Variants in BMS1 observed in about 807,000 individuals in gnomAD.
The protein encoded by BMS1 is BMS1 ribosome biogenesis factor.
In BMS1, 53 loss-of-function variants were observed where a neutral mutation model predicts 138.7. The ratio of observed to expected loss-of-function variants is 0.38; its 90% CI spans 0.31 to 0.48. The LOEUF (loss-of-function observed/expected upper bound fraction) is 0.48, where lower values mean the gene tolerates loss of function less well. Ranked by LOEUF, BMS1 falls within the 20% of genes least tolerant of loss-of-function variation. The pLI is 0.97. For synonymous variants in BMS1, 504 were observed against 539.9 expected, an observed-to-expected ratio of 0.93 and a Z score of 0.92; for missense variants, 1,360 against 1,565.5, an observed-to-expected ratio of 0.87 and a Z score of 2.22.
intron 22 of BMS1, 100 bp downstream of exon 22, chr10:42,830,522 G>A (rs1842772759): frequency 1.4e-6 from 2 of 1,444,202 alleles, no homozygotes; most frequent in Non-Finnish European, 1.9e-6. Flanking sequence ...GTTATTCAGG[G>A]CACTGGAACT....
At chr10:42,804,867 G>A (rs1293697861) in intron 13 of BMS1, among the ~76,000 whole-genome samples, 3 of 151,890 alleles carry the variant, frequency 2.0e-5, no homozygotes, top group Non-Finnish European at 2.9e-5. Context: ...ACAGGCGCCC[G>A]CCACCACGCC....
At chr10:42,794,066 A>T in intron 9 of BMS1, 75 bp downstream of exon 9, 2 of 1,527,580 alleles carry the variant, frequency 1.3e-6, no homozygotes, top group Non-Finnish European at 1.8e-6. Flanking sequence ...TTCAGCCATC[A>T]TAACACATTT....
In BMS1 at chr10:42,820,528, C is replaced by A. The variant is rs756609236; in HGVS notation, c.2790C>A (p.Arg930=). The change falls in exon 17 of 23, where the codon CGC becomes CGA. Residue 930 remains arginine (R), a synonymous_variant. Coordinates refer to ENST00000374518, the MANE Select transcript of BMS1 (RefSeq NM_014753.4). ...CTCAGATGCGTCTGAAGAAACATCG[C>A]TGGTATAAGAAAATCCTCAAGTCCC... ...GYVQMRLKKH[R]WYKKILKSRD... is the part of the protein sequence containing the mutation. 1 of 1,610,186 alleles carries A rather than the reference C, an allele frequency of 6.2e-7. No homozygotes were observed. Among genetic ancestry groups the A allele is most frequent in the South Asian group, 1.1e-5 (1 of 90,638 alleles).
rs1205373057 is a variant in BMS1, at chr10:42,820,326, G to A, written c.2671G>A (p.Glu891Lys). The A allele has an allele frequency of 6.2e-7, 1 of 1,613,788 alleles. No homozygotes were observed. The change falls in exon 16 of 23, where the codon GAA (glutamate) becomes AAA (lysine). Residue 891 changes from glutamate to lysine, a missense_variant. By Grantham distance (56) the Glu-to-Lys change is moderately conservative (BLOSUM62 1). Around this residue, in one of 3 missense-constraint regions of BMS1, gnomAD observed 425 missense variants for 568.3 expected, o/e 0.75. Coordinates refer to ENST00000374518, the MANE Select transcript of BMS1 (RefSeq NM_014753.4). The part of the protein sequence containing the change: ...RPGMYVRIEI[E>K]NVPCEFVQNF... ...TGGGATGTACGTCCGCATTGAGATT[G>A]AAAATGTTCCCTGTGAATTTGTGCA...
intron 13 of BMS1, among the ~76,000 whole-genome samples, chr10:42,811,526 C>CTT (rs60192795): frequency 4.7e-5 from 5 of 105,534 alleles, no homozygotes; most frequent in South Asian, 2.8e-4. Context: ...TTTTCTTTTT[C>CTT]TTTTTTTTTT....
In BMS1 at chr10:42,817,382, A is replaced by G. The variant is rs1842379703; in HGVS notation, c.2468A>G (p.Lys823Arg). ...CCCGACGAAGAAGAAAGTGCCAAGAAAAAGCATTTGGATAAGAAGAGAAAA... is the reference window on the plus strand; with the variant it reads ...CCCGACGAAGAAGAAAGTGCCAAGAGAAAGCATTTGGATAAGAAGAGAAAA... ...IDPDEEESAK[K>R]KHLDKKRKLK... The change falls in exon 15 of 23, where the codon AAA becomes AGA. Residue 823 changes from lysine to arginine, a missense_variant. This residue lies in a region of BMS1 where 425 missense variants were observed against 568.3 expected (regional missense o/e 0.75). Coordinates refer to ENST00000374518, the MANE Select transcript of BMS1 (RefSeq NM_014753.4). 7 of 1,610,880 alleles carry G rather than the reference A, an allele frequency of 4.3e-6. No individual in the cohort carries two copies. The highest frequency in any genetic ancestry group is 5.9e-6 in the Non-Finnish European group (7 of 1,179,544).
At position 42,832,112 on chromosome 10, in the gene BMS1, GTA is replaced by G. The variant is rs1842811996; in HGVS notation, c.*1018_*1019del. On this transcript the variant is annotated 3_prime_UTR_variant, in exon 23 of 23. Coordinates refer to ENST00000374518, the MANE Select transcript of BMS1 (RefSeq NM_014753.4). ...CTTTCCCCAACGTATACTCCTCCAT[GTA>G]TGCATGGGTGTGTAGAAATATGGAA... is the stretch of plus-strand genomic sequence containing the variant. The G allele has an allele frequency of 6.6e-6, 1 of 152,112 alleles. No individual in the cohort carries two copies. The highest frequency in any genetic ancestry group is 2.4e-5 in the African/African-American group (1 of 41,412). 9.4% of individuals were successfully genotyped at this position (152,112 alleles called of 1,614,324 possible).
chr10:42,795,032 T>C (rs7093245), intron 9 of BMS1, among the ~76,000 whole-genome samples: 27,377 of 138,562 alleles, frequency 0.2, 3,143 homozygotes, highest in Non-Finnish European at 0.28. Context: ...TTTGTTCTTG[T>C]GATAGTTTAC....
intron 4 of BMS1, among the ~76,000 whole-genome samples, chr10:42,788,150 C>T (rs1003336225): frequency 6.6e-6 from 1 of 151,974 alleles, no homozygotes; most frequent in African/African-American, 2.4e-5. Context: ...TGTCAGAAAA[C>T]TAAATAACAT....
intron 19 of BMS1, 100 bp downstream of exon 19, chr10:42,822,284 T>C (rs1053236240): frequency 3.0e-4 from 202 of 672,346 alleles, no homozygotes; most frequent in South Asian, 7.1e-5. Context: ...TTTATAAAAG[T>C]GTTTGAAATC....
At chr10:42,800,012 CTCCTGTATT>C (rs1451181627) in intron 12 of BMS1, among the ~76,000 whole-genome samples, 2 of 152,132 alleles carry the variant, frequency 1.3e-5, no homozygotes, top group African/African-American at 4.8e-5. Context: ...TTCCCAGGCC[CTCCTGTATT>C]TCCTGTGAAT....
intron 9 of BMS1, among the ~76,000 whole-genome samples, chr10:42,794,703 C>T (rs1467663604): frequency 6.6e-6 from 1 of 151,608 alleles, no homozygotes; most frequent in Non-Finnish European, 1.5e-5. Context: ...TACAAGAATA[C>T]TCTCCTCTAA....
chr10:42,816,965 T>C (rs787796), intron 14 of BMS1, among the ~76,000 whole-genome samples: 20,310 of 152,240 alleles, frequency 0.13, 1,792 homozygotes, highest in Middle Eastern at 0.2. Flanking sequence ...ATCATTCTCC[T>C]TTTTTTAAAT....
intron 12 of BMS1, among the ~76,000 whole-genome samples, chr10:42,799,993 C>A (rs1458451079): frequency 6.6e-6 from 1 of 152,076 alleles, no homozygotes; most frequent in Non-Finnish European, 1.5e-5. Flanking sequence ...CTTTGCATCC[C>A]TCTGGAGTTT....
rs1213755671 is a variant in BMS1 at position 42,831,064 on chromosome 10, A to G, written c.3817A>G (p.Ser1273Gly). 2.5e-6 allele frequency: 4 copies of G among 1,575,712 alleles called. No homozygotes were observed. The highest frequency in any genetic ancestry group is 3.5e-6 in the Non-Finnish European group (4 of 1,159,228). Residue 1273 changes from serine to glycine, a missense_variant, in exon 23 of 23, where the codon AGT becomes GGT. By Grantham distance (56) the Ser-to-Gly change is moderately conservative. This residue lies in a region of BMS1 where 425 missense variants were observed against 568.3 expected (regional missense o/e 0.75). Transcript: ENST00000374518. ...GAAGGAAAGAAGAAACCAGAAGTCC[A>G]GTTTGAAGGGGGCTGAGGGCCAATT... ...GQKERRNQKSSLKGAEGQLQ is the reference protein window; with the variant it reads ...GQKERRNQKSGLKGAEGQLQ
At chr10:42,819,981 G>A (rs1477911357) in intron 15 of BMS1, among the ~76,000 whole-genome samples, 11 of 152,116 alleles carry the variant, frequency 7.2e-5, no homozygotes, top group Non-Finnish European at 1.2e-4. Flanking sequence ...TAGTAGAGAC[G>A]GGGTTTCACC....
At chr10:42,810,777 C>T (rs1004004804) in intron 13 of BMS1, among the ~76,000 whole-genome samples, 3 of 152,166 alleles carry the variant, frequency 2.0e-5, no homozygotes, top group Non-Finnish European at 4.4e-5. Flanking sequence ...GTGGAAGTTG[C>T]ACTGAGTGCC....
At chr10:42,791,497 A>C in intron 5 of BMS1, 130 bp from the exon 6 acceptor site, 2 of 911,806 alleles carry the variant, frequency 2.2e-6, no homozygotes, top group Non-Finnish European at 3.2e-6. Context: ...AGGCTCTGGA[A>C]GCCTCAGGAC....
intron 15 of BMS1, among the ~76,000 whole-genome samples, chr10:42,819,616 G>A (rs1842445081): frequency 6.6e-6 from 1 of 152,134 alleles, no homozygotes; most frequent in African/African-American, 2.4e-5. Flanking sequence ...AGGGAAAAGT[G>A]TGAAAGAATT....
Sources: allele counts gnomAD v4.1 joint callset (sites outside exome capture counted in the v4.1 genomes callset), GRCh38; gene constraint gnomAD v4.1.1; regional missense constraint gnomAD v4.1.1; transcripts MANE v1.5; gene names NCBI Gene and HGNC (gene_info 2026-07-23, HGNC 2026-07-21).